The following CFAP299 variants were observed in gnomAD, a reference collection of about 807,000 sequenced individuals.
CFAP299 encodes the protein cilia- and flagella-associated protein 299.
CFAP299 carries 21 observed loss-of-function variants against 27.0 expected under a neutral mutation model. That is an observed-to-expected ratio of 0.78 (90% CI 0.55 to 1.12). The LOEUF (loss-of-function observed/expected upper bound fraction) is 1.12. Ranked by LOEUF, CFAP299 falls within the 50% of genes most tolerant of loss-of-function variation. The pLI is 0.00. For synonymous variants in CFAP299, 104 were observed against 98.1 expected (o/e 1.06, Z -0.36); for missense variants, 310 against 276.6 (o/e 1.12, Z -0.86).
chr4:80,683,642 C>T (rs1323413594), intron 3 of CFAP299, among the ~76,000 whole-genome samples: 1 of 152,136 alleles, frequency 6.6e-6, no homozygotes, highest in Admixed American at 6.5e-5. Flanking sequence ...CAAAGTAAGT[C>T]TCTTGTAACC....
chr4:80,747,193 T>G (rs941930548), intron 3 of CFAP299, among the ~76,000 whole-genome samples: 3 of 152,074 alleles, frequency 2.0e-5, no homozygotes, highest in Non-Finnish European at 4.4e-5. Context: ...TGACACATGA[T>G]TGTATAATAA....
chr4:80,442,400 A>C (rs1728402106), intron 2 of CFAP299, among the ~76,000 whole-genome samples: 1 of 152,172 alleles, frequency 6.6e-6, no homozygotes, highest in Non-Finnish European at 1.5e-5. Context: ...GGATTAAGAA[A>C]CTCACTCAAA....
chr4:80,623,397 A>C (rs939627033), intron 3 of CFAP299, among the ~76,000 whole-genome samples: 1 of 152,186 alleles, frequency 6.6e-6, no homozygotes, highest in African/African-American at 2.4e-5. Flanking sequence ...ATGAAACAAA[A>C]ATAATTAGAC....
Position 80,668,275 on chromosome 4 carries a change from A to G in CFAP299, c.333+85092A>G, listed in dbSNP as rs538908278. Reference sequence around the variant, plus strand: ...TGTGGATTGTCTCTTCACTTTGTACATGTTTTCCCGCTGTGCAGAAGCTTT... The same window carrying G: ...TGTGGATTGTCTCTTCACTTTGTACGTGTTTTCCCGCTGTGCAGAAGCTTT... On this transcript the variant is annotated intron_variant, in intron 3 of 5. Coordinates refer to ENST00000358105, the MANE Select transcript of CFAP299 (RefSeq NM_152770.3). Among the ~76,000 whole-genome samples, 65 of 151,986 alleles carry G rather than the reference A, an allele frequency of 4.3e-4. 1 individual carries two copies. Among genetic ancestry groups the G allele is most frequent in the African/African-American group, 1.4e-3 (60 of 41,468 alleles).
chr4:80,390,902 C>CATATATGT (rs1725420802), intron 2 of CFAP299, among the ~76,000 whole-genome samples: 2 of 45,198 alleles, frequency 4.4e-5, no homozygotes, highest in Non-Finnish European at 1.0e-4. Flanking sequence ...CACACATATG[C>CATATATGT]ATATATGTAT....
intron 2 of CFAP299, among the ~76,000 whole-genome samples, chr4:80,386,015 G>A (rs1724957333): frequency 6.6e-6 from 1 of 152,248 alleles, no homozygotes; most frequent in Non-Finnish European, 1.5e-5. Flanking sequence ...AGGGGACACC[G>A]GAAGGCGGCC....
intron 2 of CFAP299, 143 bp from the exon 3 acceptor site, chr4:80,582,950 G>A (rs946237628): frequency 4.3e-6 from 2 of 461,162 alleles, no homozygotes; most frequent in Non-Finnish European, 7.9e-6. Context: ...TTAAATTGAG[G>A]AATCTAGTAG....
intron 2 of CFAP299, among the ~76,000 whole-genome samples, chr4:80,489,250 C>A (rs977201805): frequency 6.6e-6 from 1 of 152,110 alleles, no homozygotes; most frequent in African/African-American, 2.4e-5. Context: ...AAAACAATTT[C>A]ATCTTGTGGT....
chr4:80,869,930 T>C lies in CFAP299; in HGVS notation c.334-63T>C. 4 of 1,473,170 alleles carry C rather than the reference T, an allele frequency of 2.7e-6. No individual in the cohort carries two copies. The South Asian group carries it at 3.8e-5, about 14-fold the overall frequency. The allele number at this position is 1,473,170 out of a possible 1,614,324, so 91.3% of individuals were successfully genotyped here. On this transcript the variant is annotated intron_variant, in intron 3 of 5. Transcript: ENST00000358105. The stretch of plus-strand genomic sequence containing the variant: ...TAGTGTTTTACATCATTCTATCCTA[T>C]GGCATTCCATAATAAATCAGCTCTT...
chr4:80,781,235 A>G (rs1726858992), intron 3 of CFAP299, among the ~76,000 whole-genome samples: 1 of 152,010 alleles, frequency 6.6e-6, no homozygotes, highest in African/African-American at 2.4e-5. Context: ...CTTTATCATC[A>G]GAAGTGTTTT....
intron 4 of CFAP299, among the ~76,000 whole-genome samples, chr4:80,924,825 TC>T (rs1736228834): frequency 6.6e-6 from 1 of 151,600 alleles, no homozygotes; most frequent in Non-Finnish European, 1.5e-5. Context: ...TTTATTTTAC[TC>T]ACATTTCTTT....
intron 2 of CFAP299, among the ~76,000 whole-genome samples, chr4:80,502,552 T>C (rs1226959259): frequency 6.6e-6 from 1 of 152,114 alleles, no homozygotes; most frequent in Non-Finnish European, 1.5e-5. Context: ...TTTTTCTTCC[T>C]CTTATCTGAT....
At chr4:80,375,107 G>A (rs576641050) in intron 2 of CFAP299, among the ~76,000 whole-genome samples, 23 of 152,268 alleles carry the variant, frequency 1.5e-4, no homozygotes, top group African/African-American at 5.3e-4. Context: ...CTAAATTGCA[G>A]AGAGAGACTT....
At position 80,537,381 on chromosome 4, in the gene CFAP299, C is replaced by T. The variant is rs78192147; in HGVS notation, c.243-45712C>T. 4.9e-3 allele frequency among the ~76,000 whole-genome samples: 743 copies of T among 152,182 alleles called. 14 individuals carry two copies. The highest frequency in any genetic ancestry group is 0.017 in the African/African-American group (716 of 41,544). ...GATATCAATGTCAAAGAAATGTCTC[C>T]ATCCCCATGTCTACTGTAGCATCAT... On this transcript the variant is annotated intron_variant, in intron 2 of 5. Transcript: ENST00000358105.
intron 3 of CFAP299, among the ~76,000 whole-genome samples, chr4:80,608,860 CATGTGT>C (rs1389575611): frequency 8.1e-5 from 4 of 49,370 alleles, no homozygotes; most frequent in Non-Finnish European, 1.6e-4. Flanking sequence ...TTACACGATG[CATGTGT>C]GTGTGTGTGT....
intron 4 of CFAP299, among the ~76,000 whole-genome samples, chr4:80,914,168 G>A (rs1380460076): frequency 6.6e-6 from 1 of 152,142 alleles, no homozygotes; most frequent in Non-Finnish European, 1.5e-5. Flanking sequence ...ACAAGTCTGT[G>A]TAGACAAAGG....
intron 2 of CFAP299, among the ~76,000 whole-genome samples, chr4:80,457,415 T>G (rs569683416): frequency 7.9e-5 from 12 of 152,296 alleles, no homozygotes; most frequent in Admixed American, 5.9e-4. Context: ...TGCCACAGAT[T>G]CTGTGCTTTG....
intron 3 of CFAP299, among the ~76,000 whole-genome samples, chr4:80,657,485 A>T (rs939613809): frequency 3.3e-5 from 5 of 152,134 alleles, no homozygotes; most frequent in Non-Finnish European, 5.9e-5. Context: ...TAAATAGGGA[A>T]TCCTTTCCCC....
At chr4:80,927,820 A>T (rs1274253803) in intron 4 of CFAP299, among the ~76,000 whole-genome samples, 1 of 152,126 alleles carries the variant, frequency 6.6e-6, no homozygotes, top group Non-Finnish European at 1.5e-5. Flanking sequence ...AATAATCCAG[A>T]ATAATCTTCC....
Sources: allele counts gnomAD v4.1 joint callset (sites outside exome capture counted in the v4.1 genomes callset), GRCh38; gene constraint gnomAD v4.1.1; transcripts MANE v1.5; gene names NCBI Gene and HGNC (gene_info 2026-07-23, HGNC 2026-07-21).